The following DIP2C variants were observed in gnomAD, a reference collection of about 807,000 sequenced individuals.
The protein encoded by DIP2C is DIP2 acetate--CoA ligase C (putative), also known as disco-interacting protein 2 homolog C.
A neutral mutation model predicts 192.4 loss-of-function variants in DIP2C; 33 were observed. The observed-to-expected ratio is 0.17, with a 90% CI of 0.13 to 0.23. The LOEUF (loss-of-function observed/expected upper bound fraction) is 0.23. Ranked by LOEUF, DIP2C falls within the 10% of genes least tolerant of loss-of-function variation. The pLI is 1.00. For synonymous variants in DIP2C, 979 were observed against 864.1 expected (o/e 1.13, Z -2.33); for missense variants, 1,537 against 2,110.1 (o/e 0.73, Z 5.32).
intron 1 of DIP2C, among the ~76,000 whole-genome samples, chr10:566,477 A>T (rs934931772): frequency 6.6e-6 from 1 of 152,234 alleles, no homozygotes; most frequent in East Asian, 1.9e-4. Flanking sequence ...AACAGCACAG[A>T]CACACCGCAC....
chr10:647,545 G>C (rs1029559281), intron 1 of DIP2C, among the ~76,000 whole-genome samples: 36 of 151,166 alleles, frequency 2.4e-4, no homozygotes, highest in Non-Finnish European at 1.6e-4. Context: ...TGGTGGGAGA[G>C]AACAGAGGGA....
intron 34 of DIP2C, among the ~76,000 whole-genome samples, chr10:285,958 C>T (rs1322513443): frequency 1.3e-5 from 2 of 152,206 alleles, no homozygotes; most frequent in Admixed American, 6.5e-5. Flanking sequence ...AAAGCAGGAA[C>T]GTGGAAAGCA....
chr10:572,687 T>G, intron 1 of DIP2C, among the ~76,000 whole-genome samples: 1 of 152,240 alleles, frequency 6.6e-6, no homozygotes, highest in South Asian at 2.1e-4. Flanking sequence ...TTCTCCATAA[T>G]AGACAAAAAA....
At chr10:425,984 T>C (rs552266435) in intron 4 of DIP2C, among the ~76,000 whole-genome samples, 1 of 152,354 alleles carries the variant, frequency 6.6e-6, no homozygotes, top group South Asian at 2.1e-4. Context: ...TTGCCACTTT[T>C]ATTTGACATT....
At chr10:571,233 C>G (rs570252477) in intron 1 of DIP2C, among the ~76,000 whole-genome samples, 1 of 152,354 alleles carries the variant, frequency 6.6e-6, no homozygotes, top group South Asian at 2.1e-4. Flanking sequence ...TGACAGCAAA[C>G]AGTGGCTGTG....
At chr10:288,938 A>C (rs1042261683) in intron 32 of DIP2C, among the ~76,000 whole-genome samples, 7 of 152,232 alleles carry the variant, frequency 4.6e-5, no homozygotes, top group Non-Finnish European at 8.8e-5. Context: ...TCTTACTTCA[A>C]AGAATACATA....
At chr10:301,161 C>T (rs1956026999) in intron 32 of DIP2C, among the ~76,000 whole-genome samples, 1 of 152,144 alleles carries the variant, frequency 6.6e-6, no homozygotes, top group Non-Finnish European at 1.5e-5. Context: ...GGCTTTGTCT[C>T]TCATGAGCCA....
intron 1 of DIP2C, among the ~76,000 whole-genome samples, chr10:508,853 A>T (rs1564802565): frequency 6.6e-6 from 1 of 152,198 alleles, no homozygotes; most frequent in Non-Finnish European, 1.5e-5. Flanking sequence ...GACCCAAAAA[A>T]GGCATCACTC....
chr10:350,960 T>C (rs1958775755), intron 24 of DIP2C, among the ~76,000 whole-genome samples: 2 of 152,104 alleles, frequency 1.3e-5, no homozygotes, highest in Non-Finnish European at 2.9e-5. Flanking sequence ...AATTCTTATG[T>C]GAGTCACAGC....
At chr10:513,987 T>C (rs139488151) in intron 1 of DIP2C, among the ~76,000 whole-genome samples, 2 of 152,320 alleles carry the variant, frequency 1.3e-5, no homozygotes, top group East Asian at 3.9e-4. Context: ...GTCTTGGCAA[T>C]GTACAAATTC....
At chr10:412,867 G>A (rs1965277524) in intron 8 of DIP2C, among the ~76,000 whole-genome samples, 1 of 152,204 alleles carries the variant, frequency 6.6e-6, no homozygotes, top group Non-Finnish European at 1.5e-5. Context: ...ACTATCCCAA[G>A]AGTCTAGAAC....
intron 1 of DIP2C, among the ~76,000 whole-genome samples, chr10:578,821 A>C (rs1410899147): frequency 6.6e-6 from 1 of 152,116 alleles, no homozygotes; most frequent in Non-Finnish European, 1.5e-5. Context: ...ATGCATAGAG[A>C]GCACACACAT....
At chr10:634,927 C>T (rs1036522533) in intron 1 of DIP2C, among the ~76,000 whole-genome samples, 1 of 152,004 alleles carries the variant, frequency 6.6e-6, no homozygotes, top group Non-Finnish European at 1.5e-5. Context: ...TCTAATTGGC[C>T]CCCAATTTTT....
At chr10:361,766 G>A (rs970017803) in intron 22 of DIP2C, among the ~76,000 whole-genome samples, 8 of 152,088 alleles carry the variant, frequency 5.3e-5, no homozygotes, top group East Asian at 1.9e-4. Context: ...GTCCCGAGGC[G>A]GCAGACAGAG....
chr10:662,656 T>C (rs1379300559), intron 1 of DIP2C: 1 of 568,774 alleles, frequency 1.8e-6, no homozygotes, highest in Non-Finnish European at 3.1e-6. Context: ...GGAATTTTTT[T>C]TTCTTTTTCA....
intron 1 of DIP2C, among the ~76,000 whole-genome samples, chr10:642,092 A>T (rs1047385520): frequency 6.6e-6 from 1 of 152,262 alleles, no homozygotes; most frequent in Non-Finnish European, 1.5e-5. Flanking sequence ...CTAATTTGAA[A>T]TCTTTTCCAG....
intron 33 of DIP2C, among the ~76,000 whole-genome samples, 156 bp from the exon 34 acceptor site, chr10:286,503 TACAACCACAGCCTC>T (rs565550351): frequency 1.9e-3 from 282 of 152,336 alleles, no homozygotes; most frequent in African/African-American, 5.2e-3. Flanking sequence ...TGACCCATTA[TACAACCACAGCCTC>T]ACAATCACAG....
rs766027771 is a variant in DIP2C, at chr10:309,560, CT to C, written c.3986+470del. Reference sequence around the variant, plus strand: ...CCACTGCTGTCCTGCAACAGAGTTTCTTTTTTTTTTTTTTTTGAGACGGGAT... The same window carrying C: ...CCACTGCTGTCCTGCAACAGAGTTTCTTTTTTTTTTTTTTTGAGACGGGAT... On this transcript the variant is annotated intron_variant, in intron 32 of 36. Transcript: ENST00000280886. Among the ~76,000 whole-genome samples, 625 of 137,066 alleles carry C rather than the reference CT, an allele frequency of 4.6e-3. 2 individuals carry two copies. Among genetic ancestry groups the C allele is most frequent in the Non-Finnish European group, 6.0e-3 (379 of 63,168 alleles). 89.9% of individuals were successfully genotyped at this position (137,066 alleles called of 152,430 possible).
chr10:662,818 A>G lies in DIP2C; in HGVS notation c.85+26676T>C, dbSNP rs1856841518. 2.2e-5 allele frequency: 16 copies of G among 716,116 alleles called. No homozygotes were observed. In the East Asian group the frequency reaches 4.3e-4, roughly 19 times the overall value. 44.4% of individuals were successfully genotyped at this position (716,116 alleles called of 1,614,324 possible). ...GAACCAAAACTGTGGCAGGCCTGCG[A>G]TGGCTGTGGTTGAGGAAAGAGGCCA... On this transcript the variant is annotated intron_variant, in intron 1 of 36. Transcript: ENST00000280886.
Sources: allele counts gnomAD v4.1 joint callset (sites outside exome capture counted in the v4.1 genomes callset), GRCh38; gene constraint gnomAD v4.1.1; transcripts MANE v1.5; gene names NCBI Gene and HGNC (gene_info 2026-07-23, HGNC 2026-07-21).